Variants in CSMD3 observed in about 807,000 individuals in gnomAD.
The protein encoded by CSMD3 is CUB and Sushi multiple domains 3.
A neutral mutation model predicts 435.2 loss-of-function variants in CSMD3; 177 were observed. The ratio of observed to expected loss-of-function variants is 0.41; its 90% CI spans 0.36 to 0.46. The LOEUF is 0.46. Among genes scored for constraint, CSMD3 ranks in the 20% least tolerant of loss-of-function variants. The pLI, the probability that CSMD3 is intolerant of heterozygous loss-of-function variation, is 0.34. For synonymous variants in CSMD3, 1,656 were observed against 1,520.5 expected (o/e 1.09, Z -2.07); for missense variants, 4,265 against 4,504.6 (o/e 0.95, Z 1.52).
intron 47 of CSMD3, among the ~76,000 whole-genome samples, chr8:112,316,812 C>A (rs761056159): frequency 1.3e-5 from 2 of 152,002 alleles, no homozygotes; most frequent in Non-Finnish European, 2.9e-5. Context: ...AAACTCTTTA[C>A]AGAAAACCAT....
chr8:113,345,223 A>G (rs2132870945), intron 1 of CSMD3, among the ~76,000 whole-genome samples: 1 of 152,298 alleles, frequency 6.6e-6, no homozygotes, highest in African/African-American at 2.4e-5. Context: ...CTTTAATATT[A>G]CATTCAAGAG....
chr8:113,337,314 G>T (rs1303381519), intron 1 of CSMD3, among the ~76,000 whole-genome samples: 1 of 152,072 alleles, frequency 6.6e-6, no homozygotes, highest in East Asian at 1.9e-4. Context: ...ATGGAGAGAA[G>T]TATGTCTATG....
At chr8:112,708,571 G>C (rs1183500694) in intron 13 of CSMD3, among the ~76,000 whole-genome samples, 1 of 150,780 alleles carries the variant, frequency 6.6e-6, no homozygotes, top group East Asian at 1.9e-4. Context: ...AAGTGCAGAA[G>C]GAAGATTAAA....
intron 31 of CSMD3, among the ~76,000 whole-genome samples, chr8:112,475,094 AG>A (rs1818912831): frequency 6.6e-6 from 1 of 152,136 alleles, no homozygotes; most frequent in African/African-American, 2.4e-5. Context: ...TCTGATTTTA[AG>A]GTGCTCCAGA....
At chr8:112,656,129 A>G (rs112059513) in intron 18 of CSMD3, 25 bp downstream of exon 18, 1 of 1,293,758 alleles carries the variant, frequency 7.7e-7, no homozygotes, top group Non-Finnish European at 1.1e-6. Context: ...GAATGAGGAA[A>G]TCAAAAAGTT....
chr8:112,836,620 AT>A (rs2080031760), intron 11 of CSMD3, among the ~76,000 whole-genome samples: 1 of 151,904 alleles, frequency 6.6e-6, no homozygotes, highest in African/African-American at 2.4e-5. Flanking sequence ...ATCTGAATGT[AT>A]TCAGCTATTA....
At chr8:112,439,094 G>A (rs184264153) in intron 32 of CSMD3, among the ~76,000 whole-genome samples, 2 of 152,244 alleles carry the variant, frequency 1.3e-5, no homozygotes, top group East Asian at 3.9e-4. Flanking sequence ...ATGAGATTCT[G>A]TACCTGTAAG....
chr8:113,200,829 T>C (rs2092709065), intron 3 of CSMD3, among the ~76,000 whole-genome samples: 1 of 151,750 alleles, frequency 6.6e-6, no homozygotes, highest in Non-Finnish European at 1.5e-5. Context: ...GAACAGGATA[T>C]TTGCTTCTTT....
intron 10 of CSMD3, among the ~76,000 whole-genome samples, chr8:112,918,971 T>C (rs528997753): frequency 1.3e-5 from 2 of 152,066 alleles, no homozygotes; most frequent in African/African-American, 2.4e-5. Context: ...AGACTCACAG[T>C]AGTCATTTTA....
intron 19 of CSMD3, among the ~76,000 whole-genome samples, chr8:112,645,728 T>A (rs2074962099): frequency 6.6e-6 from 1 of 152,164 alleles, no homozygotes; most frequent in Admixed American, 6.5e-5. Context: ...ACGAGTTTTG[T>A]AAGTAATTAT....
intron 38 of CSMD3, among the ~76,000 whole-genome samples, chr8:112,354,839 G>GA (rs1221860858): frequency 1.1e-4 from 16 of 151,946 alleles, no homozygotes; most frequent in Non-Finnish European, 1.9e-4. Context: ...ACAGAACTAA[G>GA]AAAAAAACTG....
At chr8:113,243,930 T>G (rs1246691390) in intron 3 of CSMD3, among the ~76,000 whole-genome samples, 1 of 152,206 alleles carries the variant, frequency 6.6e-6, no homozygotes, top group Non-Finnish European at 1.5e-5. Flanking sequence ...TTGAAAACTT[T>G]GCCCATATTT....
intron 6 of CSMD3, among the ~76,000 whole-genome samples, chr8:112,980,069 T>C (rs933448845): frequency 2.0e-5 from 3 of 150,816 alleles, no homozygotes; most frequent in African/African-American, 7.3e-5. Context: ...TTTGAAATTT[T>C]ATTATGTGTT....
intron 5 of CSMD3, among the ~76,000 whole-genome samples, chr8:113,083,240 C>A (rs1229491649): frequency 6.6e-6 from 1 of 151,756 alleles, no homozygotes; most frequent in African/African-American, 2.4e-5. Flanking sequence ...TCTAAAACAG[C>A]AAGAGAAAAA....
At chr8:112,691,174 A>G (rs1486444615) in intron 13 of CSMD3, among the ~76,000 whole-genome samples, 3 of 152,114 alleles carry the variant, frequency 2.0e-5, no homozygotes, top group Non-Finnish European at 4.4e-5. Context: ...ACCAAACACT[A>G]TGTTTTAGAG....
At chr8:113,248,455 T>C (rs2093299008) in intron 3 of CSMD3, among the ~76,000 whole-genome samples, 2 of 102 alleles carry the variant, frequency 0.02, no homozygotes, top group African/African-American at 0.059. Context: ...TATGGAAATA[T>C]ATGTGTGTGT....
At chr8:112,726,909 G>GAACCA (rs2131993494) in intron 13 of CSMD3, among the ~76,000 whole-genome samples, 1 of 151,648 alleles carries the variant, frequency 6.6e-6, no homozygotes, top group South Asian at 2.1e-4. Context: ...GAACCAATGG[G>GAACCA]AATATGATTC....
chr8:112,434,190 C>G, intron 32 of CSMD3, among the ~76,000 whole-genome samples: 1 of 152,120 alleles, frequency 6.6e-6, no homozygotes, highest in East Asian at 1.9e-4. Flanking sequence ...GATTCCCTAA[C>G]AAAGTAACTT....
At chr8:112,936,439 G>A (rs537495681) in intron 9 of CSMD3, among the ~76,000 whole-genome samples, 1 of 152,116 alleles carries the variant, frequency 6.6e-6, no homozygotes, top group African/African-American at 2.4e-5. Context: ...AAAGCTGAAG[G>A]TCACTCCTAT....
Sources: gnomAD v4.1 joint callset for allele counts (sites outside exome capture counted in the v4.1 genomes callset) on GRCh38, gnomAD v4.1.1 for gene constraint, MANE v1.5 for transcripts, NCBI Gene and HGNC (gene_info 2026-07-23, HGNC 2026-07-21) for gene names.